The following SELE variants were observed in gnomAD, a reference collection of about 807,000 sequenced individuals.
The protein encoded by SELE is E-selectin.
In SELE, 52 loss-of-function variants were observed where a neutral mutation model predicts 75.8. The ratio of observed to expected loss-of-function variants is 0.69; its 90% CI spans 0.55 to 0.86. SELE has a LOEUF of 0.86. SELE is among the 40% of genes least tolerant of loss of function. The pLI is 0.00. For missense variants in SELE, 754 were observed against 732.7 expected (o/e 1.03, Z -0.34); for synonymous variants, 285 against 258.7 (o/e 1.10, Z -0.98).
In SELE at chr1:169,723,303, G is replaced by T. The variant is rs1648671835; in HGVS notation, c.*1222C>A. 1 of 152,188 alleles carries T rather than the reference G, an allele frequency of 6.6e-6. No individual in the cohort carries two copies. The highest frequency in any genetic ancestry group is 2.4e-5 in the African/African-American group (1 of 41,436). 9.4% of individuals were successfully genotyped at this position (152,188 alleles called of 1,614,324 possible). On this transcript the variant is annotated 3_prime_UTR_variant, in exon 14 of 14. Coordinates refer to ENST00000333360, the MANE Select transcript of SELE (RefSeq NM_000450.2). ...ATCTTCATTCGTTAAAAATCTACCA[G>T]ATGACTCTTTTACATGGTGAGTTTC...
intron 2 of SELE, among the ~76,000 whole-genome samples, chr1:169,733,261 A>G (rs961233687): frequency 2.6e-5 from 4 of 152,354 alleles, no homozygotes; most frequent in Admixed American, 2.6e-4. Flanking sequence ...AATAATCAGA[A>G]TAACTAAGCT....
In SELE at chr1:169,727,383, T is replaced by C. The variant is rs778477036; in HGVS notation, c.1611A>G (p.Thr537=). 1.2e-6 allele frequency: 2 copies of C among 1,614,130 alleles called. No homozygotes were observed. Among genetic ancestry groups the C allele is most frequent in the Admixed American group, 1.7e-5 (1 of 60,008 alleles). Residue 537 remains threonine, a synonymous_variant, in exon 10 of 14, where the codon ACA becomes ACG. Transcript: ENST00000333360. ...NGSAARTCGA[T]GHWSGLLPTC... is the part of the protein sequence containing the mutation. ...TAGGTAGCAGGCCAGACCAGTGTCC[T>C]GTGGCTCCACATGTCCGAGCTGCAG...
chr1:169,725,673 C>T (rs1648721134), intron 13 of SELE, 56 bp downstream of exon 13: 2 of 1,450,682 alleles, frequency 1.4e-6, no homozygotes, highest in Admixed American at 1.7e-5. Context: ...CAAGGAGAAA[C>T]AGAGCATGTA....
rs1648974193 is a variant in SELE at position 169,733,646 on chromosome 1, G to C, written c.-34C>G. 6.2e-7 allele frequency: 1 copy of C among 1,607,008 alleles called. No individual in the cohort carries two copies. Among genetic ancestry groups the C allele is most frequent in the Non-Finnish European group, 8.5e-7 (1 of 1,173,632 alleles). Reference sequence around the variant, plus strand: ...GAGTTCTTTTCACCCAAAGGTTTAGGCTTGAAATACTTTCCTGGGGAGATA... The same window carrying C: ...GAGTTCTTTTCACCCAAAGGTTTAGCCTTGAAATACTTTCCTGGGGAGATA... On this transcript the variant is annotated 5_prime_UTR_variant, in exon 2 of 14. Coordinates refer to ENST00000333360, the MANE Select transcript of SELE (RefSeq NM_000450.2).
At chr1:169,730,659 T>C (rs1648892219) in intron 4 of SELE, 42 bp from the exon 5 acceptor site, 1 of 1,339,582 alleles carries the variant, frequency 7.5e-7, no homozygotes, top group African/African-American at 1.5e-5. Flanking sequence ...TCTCTCACCT[T>C]TAACAGATAA....
At position 169,725,505 on chromosome 1, in the gene SELE, T is replaced by C. The variant is rs1355830242; in HGVS notation, c.*15+224A>G. Among the ~76,000 whole-genome samples the C allele has an allele frequency of 2.0e-5, 3 of 152,208 alleles. No homozygotes were observed. The East Asian group carries it at 5.8e-4, about 29-fold the overall frequency. On this transcript the variant is annotated intron_variant, in intron 13 of 13. Coordinates refer to ENST00000333360, the MANE Select transcript of SELE (RefSeq NM_000450.2). ...AAGTGCAATGTAAGGGTCAGCTATC[T>C]TCATTATTATTATCTATCATAAATG...
At chr1:169,733,919 A>G (rs1170346091) in intron 1 of SELE, 52 bp downstream of exon 1, 6 of 402,136 alleles carry the variant, frequency 1.5e-5, no homozygotes, top group Admixed American at 4.1e-5. Flanking sequence ...GGCCTTTTGC[A>G]TATCTGTGTT....
intron 10 of SELE, among the ~76,000 whole-genome samples, chr1:169,727,100 C>T (rs745358264): frequency 6.6e-6 from 1 of 152,132 alleles, no homozygotes; most frequent in African/African-American, 2.4e-5. Flanking sequence ...GCTCTCACTC[C>T]CTCTTGTTTT....
Position 169,727,847 on chromosome 1 carries a change from T to C in SELE, c.1360A>G (p.Lys454Glu). The change falls in exon 9 of 14, where the codon AAG becomes GAG. Residue 454 changes from lysine to glutamate, a missense_variant. Transcript: ENST00000333360. ...TCACAGCTGAAGGCACAAGAGGACT[T>C]GTAGGTGAATTCTCCAATAGGGGAA... ...AHSPIGEFTY[K>E]SSCAFSCEEG... 8 of 1,614,168 alleles carry C rather than the reference T, an allele frequency of 5.0e-6. No homozygotes were observed. The highest frequency in any genetic ancestry group is 5.9e-6 in the Non-Finnish European group (7 of 1,180,022).
Position 169,732,692 on chromosome 1 carries a change from T to C in SELE, c.344A>G (p.Tyr115Cys). The change falls in exon 3 of 14, where the codon TAC (tyrosine) becomes TGC (cysteine). Residue 115 changes from tyrosine to cysteine, a missense_variant. Coordinates refer to ENST00000333360, the MANE Select transcript of SELE (RefSeq NM_000450.2). ...GCCCACATCTTTTTCTCTCTTGATG[T>C]AGATCTCCACGCAGTCCTCATCTTT... ...RQKDEDCVEI[Y>C]IKREKDVGMW... 6.2e-7 allele frequency: 1 copy of C among 1,613,896 alleles called. No homozygotes were observed. Among genetic ancestry groups the C allele is most frequent in the Non-Finnish European group, 8.5e-7 (1 of 1,179,946 alleles).
At position 169,726,739 on chromosome 1, in the gene SELE, T is replaced by C; in HGVS notation, c.1713A>G (p.Leu571=). 1 of 1,613,922 alleles carries C rather than the reference T, an allele frequency of 6.2e-7. No homozygotes were observed. The highest frequency in any genetic ancestry group is 8.5e-7 in the Non-Finnish European group (1 of 1,179,900). Residue 571 remains leucine (L), a synonymous_variant, in exon 11 of 14, where the codon TTA becomes TTG. Transcript: ENST00000333360. ...TCCGAAGCCAGAGGAGAAATGGTGC[T>C]AATGTCAGGAGGGAGAGTCCAGCAG... ...LSAAGLSLLT[L]APFLLWLRKC...
At position 169,731,931 on chromosome 1, in the gene SELE, T is replaced by C. The variant is rs1648922554; in HGVS notation, c.433A>G (p.Asn145Asp). The change falls in exon 4 of 14, where the codon AAT (asparagine) becomes GAT (aspartate). Residue 145 changes from asparagine (N) to aspartate (D), a missense_variant. Asn to Asp is a conservative substitution (Grantham distance 23, BLOSUM62 1). Transcript: ENST00000333360. ...TCACCGTGGCCACTGCAGGATGTAT[T>C]GGTACAGGCAGCTACGGAAAATACA... ...LALCYTAACTNTSCSGHGECV... is the reference protein window; with the variant it reads ...LALCYTAACTDTSCSGHGECV... 1 of 1,611,416 alleles carries C rather than the reference T, an allele frequency of 6.2e-7. No individual in the cohort carries two copies. The highest frequency in any genetic ancestry group is 8.5e-7 in the Non-Finnish European group (1 of 1,177,656).
chr1:169,733,096 G>A lies in SELE; in HGVS notation c.38-98C>T, dbSNP rs1466139623. On this transcript the variant is annotated intron_variant, in intron 2 of 13. Transcript: ENST00000333360. ...TATTGTCTTATTTTTGGCAATGTTT[G>A]TGACATGGCCCAGACTTTTCTCATC... 4.1e-6 allele frequency: 5 copies of A among 1,233,706 alleles called. No individual in the cohort carries two copies. In the African/African-American group the frequency reaches 6.0e-5, roughly 15 times the overall value. The allele number at this position is 1,233,706 out of a possible 1,614,324, so 76.4% of individuals were successfully genotyped here.
chr1:169,732,590 C>G, intron 3 of SELE, 25 bp downstream of exon 3: 1 of 1,534,466 alleles, frequency 6.5e-7, no homozygotes, highest in Non-Finnish European at 8.7e-7. Flanking sequence ...GAAACTACCT[C>G]CCACTGCTGC....
In SELE at chr1:169,729,354, G is replaced by A. The variant is rs557789502; in HGVS notation, c.922C>T (p.Arg308Cys). Residue 308 changes from arginine to cysteine, a missense_variant, in exon 7 of 14, where the codon CGC (arginine) becomes TGC (cysteine). Physicochemically the swap from Arg to Cys is radical, Grantham distance 180. Coordinates refer to ENST00000333360, the MANE Select transcript of SELE (RefSeq NM_000450.2). Reference sequence around the variant, plus strand: ...CTCACAGAGCCATTCTGAGGCTGGCGGACGGCCCTGCATGTCACAGCTGTA... The same window carrying A: ...CTCACAGAGCCATTCTGAGGCTGGCAGACGGCCCTGCATGTCACAGCTGTA... The part of the protein sequence containing the change: ...TCKAVTCRAV[R>C]QPQNGSVRCS... 3.7e-5 allele frequency: 60 copies of A among 1,613,864 alleles called. 1 individual carries two copies. The highest frequency in any genetic ancestry group is 1.7e-4 in the Middle Eastern group (1 of 6,056).
intron 3 of SELE, among the ~76,000 whole-genome samples, 193 bp downstream of exon 3, chr1:169,732,422 G>T (rs1648936409): frequency 6.6e-6 from 1 of 151,334 alleles, no homozygotes; most frequent in Non-Finnish European, 1.5e-5. Context: ...ATGTGTGTGT[G>T]TGTATATATA....
chr1:169,725,701 A>G (rs1648721739), intron 13 of SELE, 28 bp downstream of exon 13: 1 of 1,585,688 alleles, frequency 6.3e-7, no homozygotes, highest in East Asian at 2.2e-5. Flanking sequence ...TACCTCTCTC[A>G]TAACCATTTG....
intron 4 of SELE, 89 bp from the exon 5 acceptor site, chr1:169,730,706 T>TG: frequency 1.4e-6 from 1 of 733,838 alleles, no homozygotes; most frequent in South Asian, 6.4e-5. Flanking sequence ...TGGTTTTTTT[T>TG]TTTTTTAGTT....
rs1464979842 is a variant in SELE, at chr1:169,733,571, C to T, written c.37+5G>A. ...AGAAATCTTGGTCTAATGGCACTGA[C>T]TTACCCAAAGTGAGAGCTGAGAGAA... On this transcript the variant is annotated splice_donor_5th_base_variant and intron_variant, in intron 2 of 13. Coordinates refer to ENST00000333360, the MANE Select transcript of SELE (RefSeq NM_000450.2). 55 of 1,613,620 alleles carry T rather than the reference C, an allele frequency of 3.4e-5. No individual in the cohort carries two copies. The Admixed American group carries it at 9.2e-4, about 27-fold the overall frequency.
Sources: allele counts gnomAD v4.1 joint callset (sites outside exome capture counted in the v4.1 genomes callset), GRCh38; gene constraint gnomAD v4.1.1; transcripts MANE v1.5; gene names NCBI Gene and HGNC (gene_info 2026-07-23, HGNC 2026-07-21).